HIPK2: variants seen among roughly 807,000 people sequenced by gnomAD.
HIPK2 encodes the protein homeodomain interacting protein kinase 2.
HIPK2 carries 27 observed loss-of-function variants against 113.7 expected under a neutral mutation model. That is an observed-to-expected ratio of 0.24 (90% CI 0.17 to 0.33). The LOEUF is 0.33. Ranked by LOEUF, HIPK2 falls within the 10% of genes least tolerant of loss-of-function variation. The probability of loss-of-function intolerance (pLI) is 1.00; values close to 1 mark genes in which losing one functional copy is unlikely to be tolerated. For synonymous variants in HIPK2, 631 were observed against 642.2 expected, an observed-to-expected ratio of 0.98 and a Z score of 0.26; for missense variants, 1,257 against 1,588.0, an observed-to-expected ratio of 0.79 and a Z score of 3.54.
chr7:139,738,634 A>G (rs943217882), intron 1 of HIPK2, among the ~76,000 whole-genome samples: 2 of 152,188 alleles, frequency 1.3e-5, no homozygotes, highest in Non-Finnish European at 2.9e-5. Flanking sequence ...CAACAGTGAG[A>G]GACAGCACAT....
At chr7:139,673,101 CT>C (rs10701208) in intron 2 of HIPK2, among the ~76,000 whole-genome samples, 261 of 143,672 alleles carry the variant, frequency 1.8e-3, no homozygotes, top group Middle Eastern at 3.5e-3. Flanking sequence ...GTGGTTAGAA[CT>C]TTTTTTTTTT....
rs990048534 is a variant in HIPK2, at chr7:139,614,232, C to T, written c.1990+54G>A. ...GACAGAAAACTGCAGGTGCCGGAGC[C>T]CCAGAGGCCGTTCTGTAAGAAGCAG... On this transcript the variant is annotated intron_variant, in intron 8 of 14. Coordinates refer to ENST00000406875, the MANE Select transcript of HIPK2 (RefSeq NM_022740.5). 7.5e-6 allele frequency: 10 copies of T among 1,335,220 alleles called. No individual in the cohort carries two copies. The African/African-American group carries it at 7.5e-5, about 10-fold the overall frequency. The allele number at this position is 1,335,220 out of a possible 1,614,324, so 82.7% of individuals were successfully genotyped here.
intron 2 of HIPK2, among the ~76,000 whole-genome samples, chr7:139,704,898 C>A (rs1293259443): frequency 6.6e-6 from 1 of 152,174 alleles, no homozygotes; most frequent in Non-Finnish European, 1.5e-5. Flanking sequence ...GCTCTCAAGT[C>A]AGGAAGTATA....
intron 2 of HIPK2, among the ~76,000 whole-genome samples, chr7:139,633,095 CAAAAAAAAAA>C (rs942820284): frequency 8.0e-5 from 6 of 74,638 alleles, no homozygotes; most frequent in East Asian, 5.7e-4. Flanking sequence ...GACCCTGTCT[CAAAAAAAAAA>C]AAAAAAAAAA....
intron 7 of HIPK2, 58 bp downstream of exon 7, chr7:139,620,343 A>C: frequency 6.3e-7 from 1 of 1,584,702 alleles, no homozygotes; most frequent in African/African-American, 1.4e-5. Flanking sequence ...GGAAAATACA[A>C]GTCCTGAGGC....
intron 2 of HIPK2, among the ~76,000 whole-genome samples, chr7:139,649,927 AG>A (rs1463672952): frequency 6.6e-6 from 1 of 152,102 alleles, no homozygotes; most frequent in Non-Finnish European, 1.5e-5. Context: ...TTGAAAAGCA[AG>A]GGTTCTTCTG....
intron 1 of HIPK2, among the ~76,000 whole-genome samples, chr7:139,742,308 G>A (rs1796116150): frequency 6.6e-6 from 1 of 152,146 alleles, no homozygotes; most frequent in Admixed American, 6.5e-5. Context: ...GTCCTGTGAG[G>A]TGCTAATATT....
intron 13 of HIPK2, among the ~76,000 whole-genome samples, chr7:139,580,155 C>T (rs932296105): frequency 7.2e-5 from 11 of 152,192 alleles, no homozygotes; most frequent in African/African-American, 2.2e-4. Context: ...TCTTGCTCTG[C>T]GGCGGGTCAC....
intron 6 of HIPK2, 150 bp from the exon 7 acceptor site, chr7:139,620,713 T>C: frequency 9.7e-7 from 1 of 1,035,546 alleles, no homozygotes; most frequent in Non-Finnish European, 1.4e-6. Flanking sequence ...TCTAAGTTTC[T>C]TGGATTGCTT....
intron 9 of HIPK2, among the ~76,000 whole-genome samples, chr7:139,611,701 C>T (rs1393395357): frequency 1.3e-5 from 2 of 151,922 alleles, no homozygotes; most frequent in Non-Finnish European, 2.9e-5. Context: ...GCCACCATGC[C>T]CAGCTAATTT....
At position 139,716,688 on chromosome 7, in the gene HIPK2, C is replaced by T. The variant is rs1795253315; in HGVS notation, c.347G>A (p.Arg116His). 18 of 1,613,736 alleles carry T rather than the reference C, an allele frequency of 1.1e-5. No homozygotes were observed. The highest frequency in any genetic ancestry group is 4.0e-5 in the African/African-American group (3 of 74,910). ...QVLGGPHNLM[R>H]RSTVSLLDTY... ...ATCAAGGAGGCTCACAGTGCTTCGA[C>T]GCATTAGGTTGTGTGGTCCGCCGAG... is the stretch of plus-strand genomic sequence containing the variant. Residue 116 changes from arginine (R) to histidine (H), a missense_variant, in exon 2 of 15, where the codon CGT (arginine) becomes CAT (histidine). By Grantham distance (29) the Arg-to-His change is conservative. This residue lies in a region of HIPK2 where 209 missense variants were observed against 237.8 expected (regional missense o/e 0.88). Coordinates refer to ENST00000406875, the MANE Select transcript of HIPK2 (RefSeq NM_022740.5). This position sits in a 1 kb window ranked among gnomAD's most constrained non-coding sequence, Gnocchi z 9.3.
rs775314427 is a variant in HIPK2 at position 139,614,378 on chromosome 7, C to T, written c.1898G>A (p.Arg633Gln). The T allele has an allele frequency of 8.8e-6, 14 of 1,582,868 alleles. No homozygotes were observed. Among genetic ancestry groups the T allele is most frequent in the South Asian group, 4.6e-5 (4 of 87,584 alleles). ...TGTTCCTGTCTGCAGGGGCATGCTC[C>T]GCTGGGCCACTGCAGCCATGGATGC... is the stretch of plus-strand genomic sequence containing the variant. ...SAASMAAVAQ[R>Q]SMPLQTGTAQ... The change falls in exon 8 of 15, where the codon CGG becomes CAG. Residue 633 changes from arginine to glutamine, a missense_variant. Around this residue, in one of 5 missense-constraint regions of HIPK2, gnomAD observed 862 missense variants for 1,004.3 expected, o/e 0.86. Transcript: ENST00000406875.
At position 139,628,944 on chromosome 7, in the gene HIPK2, G is replaced by C. The variant is rs758872079; in HGVS notation, c.1434+9C>G. 36 of 1,587,372 alleles carry C rather than the reference G, an allele frequency of 2.3e-5. No homozygotes were observed. Among genetic ancestry groups the C allele is most frequent in the Non-Finnish European group, 3.1e-5 (36 of 1,164,838 alleles). On this transcript the variant is annotated intron_variant, in intron 5 of 14. Coordinates refer to ENST00000406875, the MANE Select transcript of HIPK2 (RefSeq NM_022740.5). ...GGGCTTACGTTGCATACTCACCCAT[G>C]AAGCTTACCTGGGCCATATCATCTA...
At chr7:139,720,477 AT>A (rs1795374992) in intron 1 of HIPK2, among the ~76,000 whole-genome samples, 1 of 152,208 alleles carries the variant, frequency 6.6e-6, no homozygotes, top group Non-Finnish European at 1.5e-5. Flanking sequence ...TGACAAGACT[AT>A]TCTGGCTTGC....
chr7:139,739,622 C>T (rs1438528653), intron 1 of HIPK2, among the ~76,000 whole-genome samples: 2 of 151,588 alleles, frequency 1.3e-5, no homozygotes, highest in African/African-American at 4.9e-5. Context: ...TGGTTTTGAA[C>T]ACAATTGTGT....
chr7:139,602,955 T>A (rs1799487809), intron 10 of HIPK2, among the ~76,000 whole-genome samples: 3 of 151,908 alleles, frequency 2.0e-5, no homozygotes. Flanking sequence ...CTCTACATGG[T>A]TTGAGATGGA....
intron 1 of HIPK2, among the ~76,000 whole-genome samples, chr7:139,718,892 T>A (rs1352404282): frequency 1.3e-5 from 2 of 152,160 alleles, no homozygotes; most frequent in Non-Finnish European, 2.9e-5. Context: ...AATGCCCACA[T>A]CTTAATCCAT....
intron 2 of HIPK2, among the ~76,000 whole-genome samples, chr7:139,665,050 T>G (rs200598904): frequency 0.16 from 23,975 of 151,698 alleles, 2,268 homozygotes; most frequent in East Asian, 0.4. Context: ...TTTTTTTTTT[T>G]TTTTTTAGAC....
At chr7:139,647,729 A>AT (rs1426614731) in intron 2 of HIPK2, among the ~76,000 whole-genome samples, 1 of 152,236 alleles carries the variant, frequency 6.6e-6, no homozygotes, top group Non-Finnish European at 1.5e-5. Context: ...AGCTAGGGAG[A>AT]TTTTGAAAAT....
Sources: gnomAD v4.1 joint callset for allele counts (sites outside exome capture counted in the v4.1 genomes callset) on GRCh38, gnomAD v4.1.1 for gene constraint, gnomAD v4.1.1 regional missense constraint, Gnocchi (gnomAD v3.1) non-coding constraint, MANE v1.5 for transcripts, NCBI Gene and HGNC (gene_info 2026-07-23, HGNC 2026-07-21) for gene names.